CACNA1E: variants seen among roughly 807,000 people sequenced by gnomAD.
The protein encoded by CACNA1E is calcium voltage-gated channel subunit alpha1 E, also known as voltage-dependent R-type calcium channel subunit alpha-1E.
In CACNA1E, 40 loss-of-function variants were observed where a neutral mutation model predicts 259.2. That is an observed-to-expected ratio of 0.15 (90% CI 0.12 to 0.20). The LOEUF (loss-of-function observed/expected upper bound fraction) is 0.20, where lower values mean the gene tolerates loss of function less well. CACNA1E is among the 10% of genes least tolerant of loss of function. CACNA1E has a pLI of 1.00. For synonymous variants in CACNA1E, 1,104 were observed against 1,138.5 expected, an observed-to-expected ratio of 0.97 and a Z score of 0.61; for missense variants, 1,874 against 3,040.1, an observed-to-expected ratio of 0.62 and a Z score of 9.02.
chr1:181,760,406 C>G (rs1019173949), intron 32 of CACNA1E, among the ~76,000 whole-genome samples: 1 of 152,156 alleles, frequency 6.6e-6, no homozygotes, highest in Non-Finnish European at 1.5e-5. Flanking sequence ...CTCAGTGACT[C>G]TGAAATAGGC....
intron 6 of CACNA1E, among the ~76,000 whole-genome samples, chr1:181,607,728 A>G (rs973361060): frequency 6.6e-6 from 1 of 152,218 alleles, no homozygotes. Context: ...GGAATTAAGT[A>G]AGGATGCTGG....
Position 181,736,372 on chromosome 1 carries a change from G to A in CACNA1E, c.3360G>A (p.Lys1120=), listed in dbSNP as rs1391307935. The change falls in exon 22 of 48, where the codon AAG becomes AAA. Residue 1120 remains lysine, a synonymous_variant. Transcript: ENST00000367573. ...EVEKKKQKKE[K]RETGKAMVPH... is the part of the protein sequence containing the mutation. ...AGAAGAAGAAGCAGAAGAAGGAGAA[G>A]CGTGAGACAGGCAAAGCCATGGTGC... is the stretch of plus-strand genomic sequence containing the variant. 6.2e-7 allele frequency: 1 copy of A among 1,611,838 alleles called. No homozygotes were observed. The highest frequency in any genetic ancestry group is 8.5e-7 in the Non-Finnish European group (1 of 1,178,898).
intron 7 of CACNA1E, among the ~76,000 whole-genome samples, chr1:181,682,965 G>A (rs1477886813): frequency 6.6e-6 from 1 of 152,174 alleles, no homozygotes; most frequent in African/African-American, 2.4e-5. Context: ...CCATATCACT[G>A]GTGTTGCCAT....
chr1:181,640,011 C>T (rs540650066), intron 6 of CACNA1E, among the ~76,000 whole-genome samples: 15 of 152,218 alleles, frequency 9.9e-5, no homozygotes, highest in African/African-American at 3.6e-4. Context: ...GATACAGGCA[C>T]CTACTCAAGG....
intron 7 of CACNA1E, among the ~76,000 whole-genome samples, chr1:181,665,557 G>T (rs1648137182): frequency 6.6e-6 from 1 of 152,114 alleles, no homozygotes; most frequent in Non-Finnish European, 1.5e-5. Context: ...AGGTGATGAT[G>T]GTTAACAGTA....
At chr1:181,747,055 A>G (rs952043713) in intron 25 of CACNA1E, among the ~76,000 whole-genome samples, 1 of 152,248 alleles carries the variant, frequency 6.6e-6, no homozygotes, top group African/African-American at 2.4e-5. Flanking sequence ...CTACCAAATA[A>G]TAGTCCAGAC....
chr1:181,711,765 C>T (rs1653388469), intron 8 of CACNA1E, among the ~76,000 whole-genome samples: 2 of 151,796 alleles, frequency 1.3e-5, no homozygotes, highest in African/African-American at 4.8e-5. Flanking sequence ...GCTGGGGTGC[C>T]CAAGGAGCAG....
intron 21 of CACNA1E, among the ~76,000 whole-genome samples, chr1:181,734,400 C>T (rs1215059376): frequency 6.6e-6 from 1 of 151,992 alleles, no homozygotes; most frequent in Non-Finnish European, 1.5e-5. Flanking sequence ...CTTCCCCACC[C>T]CTGCCCTGAC....
chr1:181,750,630 A>C, intron 26 of CACNA1E, 143 bp downstream of exon 26: 1 of 745,740 alleles, frequency 1.3e-6, no homozygotes, highest in Admixed American at 2.4e-5. Flanking sequence ...CAAAATTAGG[A>C]GTCACCAAGC....
chr1:181,738,622 G>A (rs958208757), intron 24 of CACNA1E, among the ~76,000 whole-genome samples, 196 bp downstream of exon 24: 1 of 152,194 alleles, frequency 6.6e-6, no homozygotes, highest in East Asian at 1.9e-4. Context: ...GGATGTGTTT[G>A]TACTGCTGCA....
intron 17 of CACNA1E, 63 bp from the exon 18 acceptor site, chr1:181,726,002 G>A (rs1654872116): frequency 3.5e-6 from 4 of 1,151,286 alleles, no homozygotes; most frequent in Non-Finnish European, 5.1e-6. Context: ...TAGGAGAGCA[G>A]CCAAGGGAAG....
chr1:181,794,978 A>C lies in CACNA1E; in HGVS notation c.6142A>C (p.Lys2048Gln), dbSNP rs776451660. 1 of 1,613,946 alleles carries C rather than the reference A, an allele frequency of 6.2e-7. No homozygotes were observed. The highest frequency in any genetic ancestry group is 1.1e-5 in the South Asian group (1 of 91,074). ...SMERSSENTYKSRRRSYHSSL... is the reference protein window; with the variant it reads ...SMERSSENTYQSRRRSYHSSL... ...GGAGCGAAGCAGTGAAAATACCTAC[A>C]AGTCCCGTCGCCGGAGTTACCACTC... Residue 2048 changes from lysine (K) to glutamine (Q), a missense_variant, in exon 46 of 48, where the codon AAG becomes CAG. Around this residue, in one of 14 missense-constraint regions of CACNA1E, gnomAD observed 542 missense variants for 587.2 expected, o/e 0.92. Coordinates refer to ENST00000367573, the MANE Select transcript of CACNA1E (RefSeq NM_001205293.3).
Position 181,442,832 on chromosome 1 carries a change from A to T in CACNA1E, c.434+29252A>T, listed in dbSNP as rs75535398. On this transcript the variant is annotated intron_variant, in intron 2 of 11. Transcript: ENST00000524607. ...GGCTCCATAGGTGATGTTCCACCCC[A>T]TGGGAGAGAAAGGATCTTAGTGCAG... Among the ~76,000 whole-genome samples, 328 of 152,264 alleles carry T rather than the reference A, an allele frequency of 2.2e-3. 2 individuals carry two copies. Among genetic ancestry groups the T allele is most frequent in the African/African-American group, 7.7e-3 (318 of 41,536 alleles).
chr1:181,325,008 G>C (rs1239312638), intron 1 of CACNA1E, among the ~76,000 whole-genome samples: 5 of 152,160 alleles, frequency 3.3e-5, no homozygotes, highest in Non-Finnish European at 7.4e-5. Flanking sequence ...TTCCTCCAGT[G>C]CTGCCACAGC....
At chr1:181,582,000 A>G (rs1358394273) in intron 6 of CACNA1E, among the ~76,000 whole-genome samples, 4 of 152,194 alleles carry the variant, frequency 2.6e-5, no homozygotes, top group Admixed American at 6.5e-5. Flanking sequence ...CTGGAGGGAA[A>G]GGAAATGCTG....
chr1:181,342,705 T>C (rs1161603674), intron 1 of CACNA1E, among the ~76,000 whole-genome samples: 4 of 152,122 alleles, frequency 2.6e-5, no homozygotes, highest in African/African-American at 4.8e-5. Flanking sequence ...AATATAAGAA[T>C]AGTCAAAGAA....
chr1:181,776,266 G>A lies in CACNA1E; in HGVS notation c.5267+38G>A. 1 of 1,610,580 alleles carries A rather than the reference G, an allele frequency of 6.2e-7. No homozygotes were observed. The highest frequency in any genetic ancestry group is 8.5e-7 in the Non-Finnish European group (1 of 1,176,844). ...CTCGGCCGCCCCAGCGGGGCCCAGA[G>A]CAAAGGTCTCTGGAGTTCCCAGGGA... On this transcript the variant is annotated intron_variant, in intron 38 of 47. Coordinates refer to ENST00000367573, the MANE Select transcript of CACNA1E (RefSeq NM_001205293.3). The surrounding 1 kb of genome is among the most constrained non-coding windows in gnomAD (Gnocchi z 4.4).
intron 6 of CACNA1E, among the ~76,000 whole-genome samples, chr1:181,598,001 C>T (rs1653368746): frequency 6.6e-6 from 1 of 152,180 alleles, no homozygotes; most frequent in Non-Finnish European, 1.5e-5. Context: ...CAAACTATAT[C>T]AGGCGCTTAA....
intron 1 of CACNA1E, among the ~76,000 whole-genome samples, chr1:181,500,785 T>C (rs1665181943): frequency 1.3e-5 from 2 of 152,218 alleles, no homozygotes; most frequent in Non-Finnish European, 2.9e-5. Context: ...GTAGGTGTCT[T>C]TGAATGCCAG....
Sources: allele counts gnomAD v4.1 joint callset (sites outside exome capture counted in the v4.1 genomes callset), GRCh38; gene constraint gnomAD v4.1.1; regional missense constraint gnomAD v4.1.1; non-coding constraint Gnocchi (gnomAD v3.1); transcripts MANE v1.5; gene names NCBI Gene and HGNC (gene_info 2026-07-23, HGNC 2026-07-21).